VIL1: variants seen among roughly 807,000 people sequenced by gnomAD.
VIL1 encodes villin-1.
VIL1 carries 86 observed loss-of-function variants against 104.0 expected under a neutral mutation model. The observed-to-expected ratio is 0.83, with a 90% CI of 0.69 to 0.99. The LOEUF (loss-of-function observed/expected upper bound fraction) is 0.99. Among genes scored for constraint, VIL1 ranks in the 50% least tolerant of loss-of-function variants. The pLI is 0.00. For synonymous variants in VIL1, 394 were observed against 412.6 expected (o/e 0.95, Z 0.55); for missense variants, 944 against 1,054.1 (o/e 0.90, Z 1.45).
At chr2:218,423,342 C>T (rs1185719488) in intron 1 of VIL1, among the ~76,000 whole-genome samples, 1 of 152,090 alleles carries the variant, frequency 6.6e-6, no homozygotes, top group Admixed American at 6.6e-5. Context: ...TTGCAGTGAG[C>T]CAAGATCACG....
Position 218,449,400 on chromosome 2 carries a change from A to G in VIL1, c.*64A>G. On this transcript the variant is annotated 3_prime_UTR_variant, in exon 20 of 20. Transcript: ENST00000248444. ...ATTGTAGGGTCTCATTTTCTCACCG[A>G]TATTAGTCCTACACCAATTGAAGTG... The G allele has an allele frequency of 7.5e-6, 10 of 1,341,500 alleles. No individual in the cohort carries two copies. Among genetic ancestry groups the G allele is most frequent in the Non-Finnish European group, 9.6e-6 (9 of 934,838 alleles). The allele number at this position is 1,341,500 out of a possible 1,614,324, so 83.1% of individuals were successfully genotyped here.
chr2:218,421,642 C>T (rs958374545), intron 1 of VIL1, among the ~76,000 whole-genome samples: 2 of 152,092 alleles, frequency 1.3e-5, no homozygotes, highest in African/African-American at 2.4e-5. Flanking sequence ...AGGGGGGCCA[C>T]ATCTCAGAGC....
intron 19 of VIL1, among the ~76,000 whole-genome samples, chr2:218,444,214 C>T (rs1689328115): frequency 6.6e-6 from 1 of 152,178 alleles, no homozygotes; most frequent in South Asian, 2.1e-4. Context: ...AGGTGATCCA[C>T]CCGCCTCAGC....
At chr2:218,430,929 A>C (rs1689085692) in intron 10 of VIL1, 51 bp downstream of exon 10, 13 of 1,577,834 alleles carry the variant, frequency 8.2e-6, no homozygotes, top group African/African-American at 2.7e-5. Context: ...GAGCTGGGCC[A>C]GGAGAGCCAC....
At chr2:218,421,409 G>T (rs1688897445) in intron 1 of VIL1, among the ~76,000 whole-genome samples, 1 of 152,174 alleles carries the variant, frequency 6.6e-6, no homozygotes, top group Admixed American at 6.5e-5. Context: ...AAAGTACCAG[G>T]AGTGGAGGAA....
intron 19 of VIL1, among the ~76,000 whole-genome samples, chr2:218,442,549 C>CA (rs1689301063): frequency 6.6e-6 from 1 of 152,016 alleles, no homozygotes; most frequent in African/African-American, 2.4e-5. Flanking sequence ...TGGCTTACTA[C>CA]AGCCTCAACT....
chr2:218,447,963 T>TTAAG (rs1574821971), intron 19 of VIL1, among the ~76,000 whole-genome samples: 1 of 152,192 alleles, frequency 6.6e-6, no homozygotes, highest in African/African-American at 2.4e-5. Flanking sequence ...AAATTTGCCT[T>TTAAG]TAAGAAATGT....
At position 218,446,874 on chromosome 2, in the gene VIL1, C is replaced by T. The variant is rs1689372637; in HGVS notation, c.2371-2349C>T. On this transcript the variant is annotated intron_variant, in intron 19 of 19. Coordinates refer to ENST00000248444, the MANE Select transcript of VIL1 (RefSeq NM_007127.3). Reference sequence around the variant, plus strand: ...CGCCTCCCAAGTTGAAGCAATTCTCCTGCCTCAGCCTCCGGAGTAGCTGGG... The same window carrying T: ...CGCCTCCCAAGTTGAAGCAATTCTCTTGCCTCAGCCTCCGGAGTAGCTGGG... 1.3e-5 allele frequency among the ~76,000 whole-genome samples: 2 copies of T among 150,654 alleles called. 1 individual carries two copies. Among genetic ancestry groups the T allele is most frequent in the Admixed American group, 1.3e-4 (2 of 15,122 alleles).
intron 3 of VIL1, among the ~76,000 whole-genome samples, chr2:218,424,597 G>C (rs377421067): frequency 6.6e-6 from 1 of 152,176 alleles, no homozygotes; most frequent in Admixed American, 6.5e-5. Context: ...GGAAACTTCT[G>C]AGTTGTTGCC....
In VIL1 at chr2:218,434,645, C is replaced by T; in HGVS notation, c.1620C>T (p.Leu540=). The change falls in exon 14 of 20, where the codon CTC becomes CTT. Residue 540 remains leucine, a synonymous_variant. Coordinates refer to ENST00000248444, the MANE Select transcript of VIL1 (RefSeq NM_007127.3). ...AGGTCCCAGCGCGGGCCAATTTCCT[C>T]AATTCCAATGATGTCTTTGTCCTCA... is the stretch of plus-strand genomic sequence containing the variant. ...AFEVPARANF[L]NSNDVFVLKT... 6.2e-7 allele frequency: 1 copy of T among 1,614,188 alleles called. No homozygotes were observed. The highest frequency in any genetic ancestry group is 8.5e-7 in the Non-Finnish European group (1 of 1,180,022).
At chr2:218,424,231 T>C (rs1227745938) in intron 2 of VIL1, 46 bp from the exon 3 acceptor site, 3 of 1,564,772 alleles carry the variant, frequency 1.9e-6, no homozygotes. Flanking sequence ...GGCCTAGGGG[T>C]CCTGGTGGTC....
intron 5 of VIL1, 27 bp from the exon 6 acceptor site, chr2:218,428,200 G>T (rs1356587431): frequency 1.9e-6 from 3 of 1,610,722 alleles, no homozygotes; most frequent in Admixed American, 1.7e-5. Flanking sequence ...TCTGAGTGGG[G>T]TCTGTGCCTC....
intron 4 of VIL1, among the ~76,000 whole-genome samples, chr2:218,426,791 A>T (rs1299303977): frequency 6.6e-6 from 1 of 151,514 alleles, no homozygotes; most frequent in Non-Finnish European, 1.5e-5. Flanking sequence ...TTTAGTAGAG[A>T]CAGGGTTTCA....
At chr2:218,426,665 G>A (rs1021257163) in intron 4 of VIL1, among the ~76,000 whole-genome samples, 16 of 150,386 alleles carry the variant, frequency 1.1e-4, no homozygotes, top group African/African-American at 2.5e-4. Flanking sequence ...GCAGTGGCGC[G>A]ATCTCAACTC....
chr2:218,429,516 G>T (rs1239675485), intron 7 of VIL1, 29 bp downstream of exon 7: 1 of 1,613,446 alleles, frequency 6.2e-7, no homozygotes, highest in Non-Finnish European at 8.5e-7. Context: ...CTTCCTGGGT[G>T]CTGGGGACTC....
intron 6 of VIL1, among the ~76,000 whole-genome samples, chr2:218,428,749 G>A (rs1450062589): frequency 4.6e-5 from 7 of 152,148 alleles, no homozygotes; most frequent in South Asian, 2.1e-4. Context: ...TCAGCTCACC[G>A]CAACCTCCGC....
Position 218,432,216 on chromosome 2 carries a change from G to A in VIL1, c.1341+33G>A, listed in dbSNP as rs746895992. On this transcript the variant is annotated intron_variant, in intron 12 of 19. Transcript: ENST00000248444. Reference sequence around the variant, plus strand: ...CCCGCCACGTCCCACCCAGAGCACAGCCGGCTTAGCTCTGCCTTGTACATA... The same window carrying A: ...CCCGCCACGTCCCACCCAGAGCACAACCGGCTTAGCTCTGCCTTGTACATA... 1.9e-6 allele frequency: 3 copies of A among 1,601,818 alleles called. No individual in the cohort carries two copies. In the South Asian group the frequency reaches 3.3e-5, roughly 18 times the overall value.
chr2:218,423,954 G>A, intron 2 of VIL1, 101 bp downstream of exon 2: 4 of 1,358,746 alleles, frequency 2.9e-6, no homozygotes, highest in Non-Finnish European at 4.1e-6. Context: ...CTCTGCTCCT[G>A]CCCTGAAGCC....
intron 1 of VIL1, among the ~76,000 whole-genome samples, chr2:218,421,683 G>A (rs991617062): frequency 1.3e-5 from 2 of 152,138 alleles, no homozygotes; most frequent in African/African-American, 4.8e-5. Context: ...GCCCACCTTT[G>A]GCCTGTGGGG....
Sources: gnomAD v4.1 joint callset for allele counts (sites outside exome capture counted in the v4.1 genomes callset) on GRCh38, gnomAD v4.1.1 for gene constraint, MANE v1.5 for transcripts, NCBI Gene and HGNC (gene_info 2026-07-23, HGNC 2026-07-21) for gene names.